LRP5: variants seen among roughly 807,000 people sequenced by gnomAD.
LRP5 encodes low-density lipoprotein receptor-related protein 5.
LRP5 carries 62 observed loss-of-function variants against 154.1 expected under a neutral mutation model. The ratio of observed to expected loss-of-function variants is 0.40; its 90% confidence interval spans 0.33 to 0.50. The LOEUF (loss-of-function observed/expected upper bound fraction) is 0.50. Ranked by LOEUF, LRP5 falls within the 20% of genes least tolerant of loss-of-function variation. The pLI is 0.55. For synonymous variants in LRP5, 966 were observed against 1,011.5 expected, an observed-to-expected ratio of 0.96 and a Z score of 0.85; for missense variants, 1,915 against 2,336.7, an observed-to-expected ratio of 0.82 and a Z score of 3.72.
chr11:68,423,505 C>T lies in LRP5; in HGVS notation c.3044C>T (p.Ser1015Phe), dbSNP rs2098666996. The T allele has an allele frequency of 1.2e-6, 2 of 1,614,166 alleles. No individual in the cohort carries two copies. The highest frequency in any genetic ancestry group is 1.7e-6 in the Non-Finnish European group (2 of 1,180,012). The change falls in exon 14 of 23, where the codon TCT becomes TTT. Residue 1015 changes from serine to phenylalanine, a missense_variant. Physicochemically the swap from Ser to Phe is radical, Grantham distance 155 (BLOSUM62 -2). Transcript: ENST00000294304. The surrounding 1 kb of genome is among the most constrained non-coding windows in gnomAD (Gnocchi z 4.7). The part of the protein sequence containing the change: ...DDGTQPFVLT[S>F]LSQGQNPDRQ... Reference sequence around the variant, plus strand: ...GTCTTACAGCCCTTTGTTTTGACCTCTCTGAGCCAAGGCCAAAACCCAGAC... The same window carrying T: ...GTCTTACAGCCCTTTGTTTTGACCTTTCTGAGCCAAGGCCAAAACCCAGAC...
chr11:68,381,979 C>T (rs184218597), intron 5 of LRP5, among the ~76,000 whole-genome samples: 4 of 152,326 alleles, frequency 2.6e-5, no homozygotes, highest in African/African-American at 7.2e-5. Context: ...CCTGGCTGGA[C>T]AGAGTCCCCA....
chr11:68,353,439 A>T lies in LRP5; in HGVS notation c.489-4211A>T, dbSNP rs571993920. Reference sequence around the variant, plus strand: ...CCCTGTAGGCTCCATGTCTCCGGAGAGGGAGAGGGAGAGGGAGAGGATTCC... The same window carrying T: ...CCCTGTAGGCTCCATGTCTCCGGAGTGGGAGAGGGAGAGGGAGAGGATTCC... On this transcript the variant is annotated intron_variant, in intron 2 of 22. Transcript: ENST00000294304. The surrounding 1 kb of genome is among the most constrained non-coding windows in gnomAD (Gnocchi z 4.5). Among the ~76,000 whole-genome samples the T allele has an allele frequency of 6.9e-6, 1 of 144,700 alleles. No individual in the cohort carries two copies. Among genetic ancestry groups the T allele is most frequent in the South Asian group, 2.1e-4 (1 of 4,810 alleles). The allele number at this position is 144,700 out of a possible 152,430, so 94.9% of individuals were successfully genotyped here. A position where few individuals can be genotyped will look rare whatever the true frequency, so the allele number is the denominator to read the frequency against.
At chr11:68,426,243 A>C in intron 16 of LRP5, 56 bp downstream of exon 16, 1 of 1,466,892 alleles carries the variant, frequency 6.8e-7, no homozygotes, top group Admixed American at 1.8e-5. Context: ...CGACCCCTGG[A>C]GGAGGCTGGA....
intron 1 of LRP5, among the ~76,000 whole-genome samples, chr11:68,335,601 T>C (rs909639349): frequency 3.3e-5 from 5 of 152,178 alleles, no homozygotes; most frequent in Non-Finnish European, 7.4e-5. Flanking sequence ...GTTGATTCAT[T>C]AACATTGAAT....
intron 21 of LRP5, chr11:68,445,465 C>G (rs530876883): frequency 1.0e-4 from 48 of 472,190 alleles, no homozygotes; most frequent in African/African-American, 9.0e-4. Context: ...CAGGACTTCA[C>G]CCGGGTCTGT....
At position 68,447,258 on chromosome 11, in the gene LRP5, A is replaced by C. The variant is rs544448445; in HGVS notation, c.4586+725A>C. On this transcript the variant is annotated intron_variant, in intron 22 of 22. Coordinates refer to ENST00000294304, the MANE Select transcript of LRP5 (RefSeq NM_002335.4). This position sits in a 1 kb window ranked among gnomAD's most constrained non-coding sequence, Gnocchi z 4.3. ...TGTCAGGCAACGTGGCCCACCCGCC[A>C]GCCGCACCAGGCCCCACCCCCGCAG... 2.6e-5 allele frequency: 4 copies of C among 153,944 alleles called. No individual in the cohort carries two copies. Among genetic ancestry groups the C allele is most frequent in the Admixed American group, 2.6e-4 (4 of 15,598 alleles). The allele number at this position is 153,944 out of a possible 1,614,324, so 9.5% of individuals were successfully genotyped here.
chr11:68,411,862 C>T (rs1015350284), intron 11 of LRP5, among the ~76,000 whole-genome samples: 4 of 152,196 alleles, frequency 2.6e-5, no homozygotes, highest in Non-Finnish European at 5.9e-5. Flanking sequence ...TTCCTGTGCA[C>T]CTGCTGGGCA....
At chr11:68,369,826 C>G (rs1286093250) in intron 5 of LRP5, among the ~76,000 whole-genome samples, 1 of 152,116 alleles carries the variant, frequency 6.6e-6, no homozygotes, top group Admixed American at 6.5e-5. Flanking sequence ...TGGAGACCCC[C>G]AAATAACTTG....
intron 7 of LRP5, among the ~76,000 whole-genome samples, chr11:68,395,689 A>G (rs962862602): frequency 6.6e-6 from 1 of 151,952 alleles, no homozygotes; most frequent in African/African-American, 2.4e-5. Flanking sequence ...GGGAAGGTGC[A>G]GGTGGATGCC....
chr11:68,416,618 G>A, intron 13 of LRP5, 91 bp downstream of exon 13: 1 of 1,189,558 alleles, frequency 8.4e-7, no homozygotes, highest in East Asian at 2.5e-5. Flanking sequence ...TTAGCAGAGG[G>A]AGGAAACAGA....
intron 5 of LRP5, among the ~76,000 whole-genome samples, chr11:68,384,599 G>A (rs545156735): frequency 4.6e-5 from 7 of 152,314 alleles, no homozygotes; most frequent in Admixed American, 1.3e-4. Flanking sequence ...GCACCCTGGG[G>A]GCCCCAAGTC....
chr11:68,402,192 C>G (rs1372875802), intron 7 of LRP5, among the ~76,000 whole-genome samples: 1 of 152,172 alleles, frequency 6.6e-6, no homozygotes, highest in Non-Finnish European at 1.5e-5. Flanking sequence ...TTCATCCTGT[C>G]CTGAGAGCCG....
intron 17 of LRP5, among the ~76,000 whole-genome samples, chr11:68,431,765 C>G (rs899591131): frequency 6.6e-6 from 1 of 152,224 alleles, no homozygotes; most frequent in Non-Finnish European, 1.5e-5. Context: ...GCACCTCCCA[C>G]TGATGCCCGA....
chr11:68,310,307 C>T (rs1381118810), upstream of LRP5, among the ~76,000 whole-genome samples: 1 of 152,056 alleles, frequency 6.6e-6, no homozygotes, highest in African/African-American at 2.4e-5. Context: ...GGGAGGATCA[C>T]CAGGCATGAT....
chr11:68,330,259 C>T (rs1016741993), intron 1 of LRP5, among the ~76,000 whole-genome samples: 46 of 150,836 alleles, frequency 3.0e-4, no homozygotes, highest in African/African-American at 8.3e-4. Context: ...TCAGCACATG[C>T]GCGGCCACTG....
intron 5 of LRP5, among the ~76,000 whole-genome samples, chr11:68,381,838 C>T (rs571034779): frequency 3.1e-4 from 47 of 152,338 alleles, no homozygotes; most frequent in Admixed American, 2.9e-3. Flanking sequence ...CCTGCTTCCC[C>T]GTGGCCATGG....
chr11:68,308,365 C>T (rs1013440893), upstream of LRP5, among the ~76,000 whole-genome samples: 5 of 152,248 alleles, frequency 3.3e-5, no homozygotes, highest in African/African-American at 1.2e-4. Context: ...ACGACATCCT[C>T]ATGGGCCCCT....
At chr11:68,332,026 G>A (rs978726007) in intron 1 of LRP5, among the ~76,000 whole-genome samples, 5 of 152,040 alleles carry the variant, frequency 3.3e-5, no homozygotes, top group African/African-American at 7.3e-5. Context: ...AGCACCTGAT[G>A]TACACAGACC....
intron 7 of LRP5, among the ~76,000 whole-genome samples, chr11:68,400,094 C>G (rs565681081): frequency 6.6e-6 from 1 of 152,194 alleles, no homozygotes; most frequent in South Asian, 2.1e-4. Context: ...GGAGATTCCG[C>G]AGGCCCTGCC....
Sources: allele counts gnomAD v4.1 joint callset (sites outside exome capture counted in the v4.1 genomes callset), GRCh38; gene constraint gnomAD v4.1.1; non-coding constraint Gnocchi (gnomAD v3.1); transcripts MANE v1.5; gene names NCBI Gene and HGNC (gene_info 2026-07-23, HGNC 2026-07-21).